GPR89B: variants seen among roughly 807,000 people sequenced by gnomAD.
GPR89B encodes golgi pH regulator B.
A neutral mutation model predicts 52.4 loss-of-function variants in GPR89B; 25 were observed. The ratio of observed to expected loss-of-function variants is 0.48; its 90% confidence interval spans 0.35 to 0.67. The LOEUF is 0.67. GPR89B is among the 30% of genes least tolerant of loss of function. GPR89B has a pLI of 0.01. For missense variants in GPR89B, 146 were observed against 450.2 expected, an observed-to-expected ratio of 0.32 and a Z score of 6.11; for synonymous variants, 52 against 151.2, an observed-to-expected ratio of 0.34 and a Z score of 4.81.
the GPR89B span, among the ~76,000 whole-genome samples, chr1:148,003,437 T>C: frequency 1.3e-5 from 2 of 152,150 alleles, no homozygotes; most frequent in Admixed American, 1.3e-4. Flanking sequence ...TGACATCGTG[T>C]TAGTAAGTTG....
chr1:147,952,146 C>G (rs1655765231), intron 5 of GPR89B, among the ~76,000 whole-genome samples: 1 of 152,000 alleles, frequency 6.6e-6, no homozygotes, highest in Non-Finnish European at 1.5e-5. Context: ...AGATGGCTGA[C>G]CAAGGGCAAG....
intron 7 of GPR89B, among the ~76,000 whole-genome samples, chr1:147,955,378 T>A (rs1243886537): frequency 1.7e-4 from 26 of 152,138 alleles, no homozygotes; most frequent in Admixed American, 1.3e-3. Context: ...TGTACAGATA[T>A]CTCTTTGACA....
intron 1 of GPR89B, among the ~76,000 whole-genome samples, chr1:147,934,047 C>G (rs1180230063): frequency 1.2e-4 from 18 of 150,926 alleles, no homozygotes; most frequent in African/African-American, 4.4e-4. Context: ...TCTAGCAGCA[C>G]CAAACCATGT....
At chr1:147,980,962 T>C (rs1658203438) in intron 10 of GPR89B, among the ~76,000 whole-genome samples, 1 of 151,128 alleles carries the variant, frequency 6.6e-6, no homozygotes, top group Non-Finnish European at 1.5e-5. Flanking sequence ...TCTGGATGTT[T>C]CATATAAATG....
At chr1:147,998,742 GT>G in the GPR89B span, among the ~76,000 whole-genome samples, 2 of 151,738 alleles carry the variant, frequency 1.3e-5, no homozygotes, top group African/African-American at 4.8e-5. Context: ...TTAGCCAGGT[GT>G]GGTAGCACAC....
the GPR89B span, chr1:148,005,598 C>G: frequency 1.7e-6 from 2 of 1,155,330 alleles, no homozygotes; most frequent in Non-Finnish European, 2.5e-6. Context: ...TGATTAGCCC[C>G]AGTCCTGTGA....
downstream of GPR89B, chr1:147,994,498 T>C (rs1269537213): frequency 1.1e-5 from 6 of 559,682 alleles, no homozygotes; most frequent in Non-Finnish European, 2.0e-5. Context: ...ACAGCAATTG[T>C]GTAGAGCTGA....
intron 10 of GPR89B, among the ~76,000 whole-genome samples, chr1:147,971,464 C>CTTTTTTTTTTTT (rs1196935183): frequency 4.3e-5 from 3 of 70,240 alleles, no homozygotes; most frequent in East Asian, 4.8e-4. Flanking sequence ...GGAAGCATGT[C>CTTTTTTTTTTTT]TTTTTTTTTT....
chr1:147,969,321 A>G, intron 9 of GPR89B: 1 of 266,808 alleles, frequency 3.7e-6, no homozygotes, highest in Non-Finnish European at 7.1e-6. Flanking sequence ...CCTATCTGCC[A>G]TGGATGGCCT....
chr1:148,009,945 A>T, the GPR89B span, among the ~76,000 whole-genome samples: 1 of 152,028 alleles, frequency 6.6e-6, no homozygotes, highest in Non-Finnish European at 1.5e-5. Flanking sequence ...AGATTCGGAC[A>T]TGAGATGCAT....
intron 5 of GPR89B, among the ~76,000 whole-genome samples, chr1:147,950,355 T>A (rs1655546198): frequency 6.7e-6 from 1 of 148,436 alleles, no homozygotes. Context: ...GCAGAGACGC[T>A]CCTCACTTCC....
chr1:147,990,486 C>T (rs1294711928), intron 12 of GPR89B, among the ~76,000 whole-genome samples: 2 of 152,086 alleles, frequency 1.3e-5, no homozygotes, highest in Non-Finnish European at 2.9e-5. Flanking sequence ...GCTTTTGTTG[C>T]CATTGCTTTT....
intron 1 of GPR89B, among the ~76,000 whole-genome samples, chr1:147,934,403 C>T (rs1444574720): frequency 6.6e-6 from 1 of 152,146 alleles, no homozygotes; most frequent in Non-Finnish European, 1.5e-5. Flanking sequence ...TCTCGAACTC[C>T]TGGGCTCAAG....
At chr1:148,013,238 G>A in the GPR89B span, among the ~76,000 whole-genome samples, 1 of 152,108 alleles carries the variant, frequency 6.6e-6, no homozygotes, top group Non-Finnish European at 1.5e-5. Flanking sequence ...GAGAGGAAGA[G>A]GAGTCCGCCA....
chr1:147,935,892 C>G (rs1170928907), intron 1 of GPR89B, among the ~76,000 whole-genome samples: 1 of 152,054 alleles, frequency 6.6e-6, no homozygotes, highest in African/African-American at 2.4e-5. Context: ...ACCCCACCAC[C>G]CCCAGCTAAT....
intron 5 of GPR89B, among the ~76,000 whole-genome samples, chr1:147,945,543 G>T (rs1430613207): frequency 6.6e-6 from 1 of 152,130 alleles, no homozygotes; most frequent in Non-Finnish European, 1.5e-5. Flanking sequence ...ATAAATAGTT[G>T]TGTATTTTTA....
At chr1:148,005,968 A>G in the GPR89B span, among the ~76,000 whole-genome samples, 2 of 151,966 alleles carry the variant, frequency 1.3e-5, no homozygotes, top group South Asian at 4.2e-4. Context: ...TTCACAGAAC[A>G]CTCCATTGCA....
intron 1 of GPR89B, among the ~76,000 whole-genome samples, chr1:147,934,331 C>T (rs1237514768): frequency 2.6e-5 from 4 of 152,166 alleles, no homozygotes; most frequent in Admixed American, 2.6e-4. Context: ...CATGCACCAC[C>T]ATAGCTAGCT....
the GPR89B span, among the ~76,000 whole-genome samples, chr1:148,022,332 G>A: frequency 6.7e-6 from 1 of 150,290 alleles, no homozygotes; most frequent in African/African-American, 2.5e-5. Flanking sequence ...GTGTTCCCTC[G>A]GCTTCTGTTT....
Sources: allele counts gnomAD v4.1 joint callset (sites outside exome capture counted in the v4.1 genomes callset), GRCh38; gene constraint gnomAD v4.1.1; transcripts MANE v1.5; gene names NCBI Gene and HGNC (gene_info 2026-07-23, HGNC 2026-07-21).